SPC25: variants seen among roughly 807,000 people sequenced by gnomAD.
The protein encoded by SPC25 is kinetochore protein Spc25.
A neutral mutation model predicts 29.6 loss-of-function variants in SPC25; 22 were observed. The observed-to-expected ratio is 0.74, with a 90% CI of 0.53 to 1.06. SPC25 has a LOEUF of 1.06. Ranked by LOEUF, SPC25 falls within the 50% of genes least tolerant of loss-of-function variation. The pLI is 0.00. For missense variants in SPC25, 230 were observed against 255.8 expected (o/e 0.90, Z 0.69); for synonymous variants, 91 against 90.4 (o/e 1.01, Z -0.04).
chr2:168,863,680 T>C (rs1032706782), intron 4 of SPC25: 8 of 977,556 alleles, frequency 8.2e-6, no homozygotes, highest in Non-Finnish European at 9.7e-6. Flanking sequence ...GTGAGTGAGT[T>C]AAACTTTTGG....
rs1559158775 is a variant in SPC25, at chr2:168,889,060, T to TATATATAC, written c.199+165_199+166insGTATATAT. Among the ~76,000 whole-genome samples the TATATATAC allele has an allele frequency of 7.0e-3, 373 of 53,088 alleles. 28 individuals are homozygous for TATATATAC. The East Asian group carries it at 0.18, about 26-fold the overall frequency. The allele number at this position is 53,088 out of a possible 152,430, so 34.8% of individuals were successfully genotyped here. A position where few individuals can be genotyped will look rare whatever the true frequency, so the allele number is the denominator to read the frequency against. ...ATATATATATACACATATATATACA[T>TATATATAC]ATATATATACACATATATATACATA... On this transcript the variant is annotated intron_variant, in intron 3 of 6. Transcript: ENST00000282074.
intron 3 of SPC25, among the ~76,000 whole-genome samples, chr2:168,881,129 G>T (rs1574362852): frequency 6.6e-6 from 1 of 152,104 alleles, no homozygotes; most frequent in Admixed American, 6.6e-5. Flanking sequence ...ATAAAACAAG[G>T]TATCCATGTA....
Position 168,864,014 on chromosome 2 carries a change from G to A in SPC25, n.419+9571C>T, listed in dbSNP as rs546384061. On this transcript the variant is annotated intron_variant and non_coding_transcript_variant, in intron 4 of 4. Transcript: ENST00000479309. Reference sequence around the variant, plus strand: ...CAACCTCCGTCTCCTGGATTCAAGTGATTCTCCTGCCTCAGTCTCCCAAGC... The same window carrying A: ...CAACCTCCGTCTCCTGGATTCAAGTAATTCTCCTGCCTCAGTCTCCCAAGC... Among the ~76,000 whole-genome samples, 7 of 151,550 alleles carry A rather than the reference G, an allele frequency of 4.6e-5. No individual in the cohort carries two copies. In the South Asian group the frequency reaches 1.5e-3, roughly 32 times the overall value.
In SPC25 at chr2:168,871,471, G is replaced by A. The variant is rs200710469; in HGVS notation, c.635C>T (p.Ala212Val). 1.2e-6 allele frequency: 2 copies of A among 1,609,974 alleles called. No individual in the cohort carries two copies. The highest frequency in any genetic ancestry group is 1.7e-6 in the Non-Finnish European group (2 of 1,178,340). The change falls in exon 7 of 7, where the codon GCC (alanine) becomes GTC (valine). Residue 212 changes from alanine to valine, a missense_variant. Physicochemically the swap from Ala to Val is moderately conservative, Grantham distance 64. Transcript: ENST00000282074. ...GGCAGTAAAAGCTTTCCGAACATTG[G>A]CAAGAAAAGCTGAAAAATTGTTGGT... ...RKTNNFSAFL[A>V]NVRKAFTATV... is the part of the protein sequence containing the mutation.
downstream of SPC25, among the ~76,000 whole-genome samples, chr2:168,870,565 G>A (rs186543211): frequency 1.7e-3 from 263 of 151,730 alleles, 2 homozygotes; most frequent in African/African-American, 6.1e-3. Context: ...ACAGACACTT[G>A]TCAAAAGAAG....
At chr2:168,883,059 A>C (rs1690202400) in intron 3 of SPC25, among the ~76,000 whole-genome samples, 1 of 152,098 alleles carries the variant, frequency 6.6e-6, no homozygotes, top group African/African-American at 2.4e-5. Flanking sequence ...ATACGTGCAA[A>C]TATTTATATA....
chr2:168,863,437 C>CAAAG, intron 4 of SPC25: 5 of 985,056 alleles, frequency 5.1e-6, no homozygotes, highest in African/African-American at 1.7e-5. Context: ...AGAATGATGC[C>CAAAG]AAATAAAAAG....
downstream of SPC25, among the ~76,000 whole-genome samples, chr2:168,867,238 A>G (rs927372025): frequency 6.6e-6 from 1 of 152,292 alleles, no homozygotes; most frequent in Non-Finnish European, 1.5e-5. Flanking sequence ...ATGTCCAACA[A>G]TGATAGACTA....
intron 4 of SPC25, chr2:168,864,757 C>T (rs1349555183): frequency 6.5e-7 from 1 of 1,543,434 alleles, no homozygotes; most frequent in East Asian, 2.3e-5. Context: ...AGCAGAACCT[C>T]CTTAAAACTC....
chr2:168,877,510 A>G, intron 3 of SPC25, 126 bp from the exon 4 acceptor site: 1 of 1,051,810 alleles, frequency 9.5e-7, no homozygotes, highest in Non-Finnish European at 1.4e-6. Flanking sequence ...AGCATTTTCT[A>G]ATGATTCAAA....
intron 4 of SPC25, among the ~76,000 whole-genome samples, chr2:168,862,447 G>C (rs1359963273): frequency 1.3e-5 from 2 of 152,222 alleles, no homozygotes; most frequent in Admixed American, 1.3e-4. Context: ...AGGGTAGAAT[G>C]TCAGTGATGG....
chr2:168,873,747 A>C, intron 5 of SPC25, 64 bp from the exon 6 acceptor site: 2 of 1,043,686 alleles, frequency 1.9e-6, no homozygotes, highest in Non-Finnish European at 3.0e-6. Context: ...TTCTTACTCC[A>C]TCTTTGATCA....
chr2:168,885,328 G>A (rs1690243912), intron 3 of SPC25, among the ~76,000 whole-genome samples: 1 of 151,996 alleles, frequency 6.6e-6, no homozygotes, highest in Non-Finnish European at 1.5e-5. Flanking sequence ...ACCTGTCACT[G>A]GTCCAAGCCA....
At chr2:168,889,568 A>C (rs1156478405) in intron 1 of SPC25, 35 bp from the exon 2 acceptor site, 2 of 1,576,462 alleles carry the variant, frequency 1.3e-6, no homozygotes, top group Non-Finnish European at 1.7e-6. Context: ...TTTTTAAGTT[A>C]CTGAAATCAA....
chr2:168,888,831 T>G (rs1480320344), intron 3 of SPC25, among the ~76,000 whole-genome samples: 1 of 147,806 alleles, frequency 6.8e-6, no homozygotes, highest in African/African-American at 2.5e-5. Context: ...TTCACCATGT[T>G]GCTTGGGCTG....
At chr2:168,874,549 G>A (rs971388432) in intron 5 of SPC25, among the ~76,000 whole-genome samples, 1 of 152,156 alleles carries the variant, frequency 6.6e-6, no homozygotes, top group Non-Finnish European at 1.5e-5. Context: ...AAAATGGAAT[G>A]AACTTGGCTG....
chr2:168,871,100 C>T lies in SPC25; in HGVS notation c.*331G>A, dbSNP rs111372283. On this transcript the variant is annotated 3_prime_UTR_variant, in exon 7 of 7. Coordinates refer to ENST00000282074, the MANE Select transcript of SPC25 (RefSeq NM_020675.4). The stretch of plus-strand genomic sequence containing the variant: ...GAAACCATCATTCTCAGCAAACTAT[C>T]GAAAGGACAAAAAACCAAACACCAC... 3.7e-3 allele frequency: 582 copies of T among 156,404 alleles called. 6 individuals are homozygous for T. The highest frequency in any genetic ancestry group is 0.013 in the African/African-American group (536 of 41,374). The allele number at this position is 156,404 out of a possible 1,614,324, so 9.7% of individuals were successfully genotyped here.
intron 3 of SPC25, among the ~76,000 whole-genome samples, chr2:168,885,568 C>T (rs1357124817): frequency 6.6e-6 from 1 of 152,174 alleles, no homozygotes; most frequent in Non-Finnish European, 1.5e-5. Flanking sequence ...ATCTGGCCAA[C>T]GAGTTCTTCC....
At chr2:168,890,224 GC>G (rs1296878108) in intron 1 of SPC25, 93 bp downstream of exon 1, 1 of 678,390 alleles carries the variant, frequency 1.5e-6, no homozygotes, top group Non-Finnish European at 1.8e-6. Flanking sequence ...TTTCACAAAC[GC>G]CGCCGCAAAT....
Sources: allele counts gnomAD v4.1 joint callset (sites outside exome capture counted in the v4.1 genomes callset), GRCh38; gene constraint gnomAD v4.1.1; transcripts MANE v1.5; gene names NCBI Gene and HGNC (gene_info 2026-07-23, HGNC 2026-07-21).